Variants in MUC17 observed in about 807,000 individuals in gnomAD.
MUC17 encodes mucin-17.
MUC17 carries 190 observed loss-of-function variants against 170.3 expected under a neutral mutation model. That is an observed-to-expected ratio of 1.12 (90% CI 0.99 to 1.26). MUC17 has a LOEUF of 1.26. MUC17 is among the 50% of genes most tolerant of loss of function. The pLI is 0.00. For missense variants in MUC17, 6,415 were observed against 5,530.0 expected (o/e 1.16, Z -5.08); for synonymous variants, 2,325 against 2,002.5 (o/e 1.16, Z -4.30).
chr7:101,026,231 A>G (rs1794176498), intron 1 of MUC17, among the ~76,000 whole-genome samples: 1 of 152,170 alleles, frequency 6.6e-6, no homozygotes, highest in South Asian at 2.1e-4. Context: ...GGCCTCCTAT[A>G]TCTGCCTGGA....
rs12673753 is a variant in MUC17 at position 101,041,369 on chromosome 7, C to A, written c.9953C>A (p.Ala3318Asp). Reference sequence around the variant, plus strand: ...ACACCTGTGACCACTTATTCTCAAGCCAGTTCATCTCCTCCAATTGCTGAC... The same window carrying A: ...ACACCTGTGACCACTTATTCTCAAGACAGTTCATCTCCTCCAATTGCTGAC... ...TSTPVTTYSQ[A>D]SSSPPIADGT... Residue 3318 changes from alanine to aspartate, a missense_variant, in exon 3 of 13, where the codon GCC becomes GAC. Physicochemically the swap from Ala to Asp is moderately radical, Grantham distance 126 (BLOSUM62 -2). Coordinates refer to ENST00000306151, the MANE Select transcript of MUC17 (RefSeq NM_001040105.2). 14 of 1,613,858 alleles carry A rather than the reference C, an allele frequency of 8.7e-6. No individual in the cohort carries two copies. The highest frequency in any genetic ancestry group is 1.2e-5 in the Non-Finnish European group (14 of 1,180,004).
In MUC17 at chr7:101,032,480, C is replaced by T. The variant is rs150423564; in HGVS notation, c.1064C>T (p.Ser355Leu). The T allele has an allele frequency of 2.4e-4, 390 of 1,614,058 alleles. 5 individuals carry two copies. In the South Asian group the frequency reaches 3.4e-3, roughly 14 times the overall value. Residue 355 changes from serine to leucine, a missense_variant, in exon 3 of 13, where the codon TCA becomes TTA. Transcript: ENST00000306151. ...GCCACTTCTGAAATGAGCACACTTT[C>T]AATAACTCCTGTTGACACCAGCACA... ...PVATSEMSTLSITPVDTSTLV... is the reference protein window; with the variant it reads ...PVATSEMSTLLITPVDTSTLV...
chr7:101,048,753 C>T, intron 4 of MUC17, 92 bp from the exon 5 acceptor site: 6 of 1,439,874 alleles, frequency 4.2e-6, no homozygotes, highest in Non-Finnish European at 5.7e-6. Flanking sequence ...CCATAAAATA[C>T]AATGGAGCTC....
At chr7:101,024,618 A>G (rs1794148872) in intron 1 of MUC17, among the ~76,000 whole-genome samples, 1 of 151,976 alleles carries the variant, frequency 6.6e-6, no homozygotes, top group African/African-American at 2.4e-5. Flanking sequence ...GATCAGATGA[A>G]CGCTTTGGCT....
At position 101,043,546 on chromosome 7, in the gene MUC17, C is replaced by A. The variant is rs558140763; in HGVS notation, c.12130C>A (p.Pro4044Thr). 2.2e-5 allele frequency: 35 copies of A among 1,614,086 alleles called. No homozygotes were observed. In the South Asian group the frequency reaches 3.5e-4, roughly 16 times the overall value. The change falls in exon 3 of 13, where the codon CCT (proline) becomes ACT (threonine). Residue 4044 changes from proline to threonine, a missense_variant. Transcript: ENST00000306151. ...CACCTCTACTTCTGTCACCACCCGT[C>A]CTGTGACCCCTTCATCAGAATCCAG... is the stretch of plus-strand genomic sequence containing the variant. ...PHTSTSVTTR[P>T]VTPSSESSRP...
chr7:101,046,743 G>A (rs1048882071), intron 3 of MUC17, among the ~76,000 whole-genome samples: 4 of 151,896 alleles, frequency 2.6e-5, no homozygotes, highest in South Asian at 2.1e-4. Context: ...GCACCACTGC[G>A]CTCCAACCTG....
At chr7:101,051,491 G>A in intron 7 of MUC17, 122 bp from the exon 8 acceptor site, 1 of 866,078 alleles carries the variant, frequency 1.2e-6, no homozygotes, top group Admixed American at 2.6e-5. Flanking sequence ...CCCTCTGCCG[G>A]GGCCGGATTC....
At position 101,042,209 on chromosome 7, in the gene MUC17, C is replaced by T. The variant is rs1319958306; in HGVS notation, c.10793C>T (p.Thr3598Ile). 2 of 1,614,102 alleles carry T rather than the reference C, an allele frequency of 1.2e-6. No homozygotes were observed. The highest frequency in any genetic ancestry group is 2.7e-5 in the African/African-American group (2 of 74,934). ...AGTTCTGAGGCTAGCACACCTTCCA[C>T]TCCTTCTGTTGACAGAAGCACACCT... is the stretch of plus-strand genomic sequence containing the variant. ...VTSSEASTPSTPSVDRSTPVT... is the reference protein window; with the variant it reads ...VTSSEASTPSIPSVDRSTPVT... Residue 3598 changes from threonine (T) to isoleucine (I), a missense_variant, in exon 3 of 13, where the codon ACT becomes ATT. Coordinates refer to ENST00000306151, the MANE Select transcript of MUC17 (RefSeq NM_001040105.2).
At chr7:101,054,493 G>A (rs1795013938) in intron 11 of MUC17, among the ~76,000 whole-genome samples, 1 of 152,074 alleles carries the variant, frequency 6.6e-6, no homozygotes, top group Non-Finnish European at 1.5e-5. Flanking sequence ...ATTAGAATGA[G>A]GAAAAGTCCA....
Position 101,041,157 on chromosome 7 carries a change from T to C in MUC17, c.9741T>C (p.Val3247=). ...SEASILSTTP[V]DSNTPLTTST... The stretch of plus-strand genomic sequence containing the variant: ...CTAGCATCCTTTCAACAACTCCTGT[T>C]GACTCCAACACTCCTTTGACCACTT... Residue 3247 remains valine (V), a synonymous_variant, in exon 3 of 13, where the codon GTT becomes GTC. Transcript: ENST00000306151. 6.2e-7 allele frequency: 1 copy of C among 1,612,532 alleles called. No individual in the cohort carries two copies. Among genetic ancestry groups the C allele is most frequent in the East Asian group, 2.2e-5 (1 of 44,688 alleles).
chr7:101,036,015 C>G lies in MUC17; in HGVS notation c.4599C>G (p.Ser1533Arg), dbSNP rs73168392. The change falls in exon 3 of 13, where the codon AGC becomes AGG. Residue 1533 changes from serine to arginine, a missense_variant. Transcript: ENST00000306151. ...TTTVASSEIN[S>R]LSTTPAVTST... ...CAGTGGCCAGTTCTGAAATCAACAG[C>G]CTTTCAACAACTCCTGCTGTCACCA... 88 of 1,537,062 alleles carry G rather than the reference C, an allele frequency of 5.7e-5. No homozygotes were observed. Among genetic ancestry groups the G allele is most frequent in the South Asian group, 2.2e-4 (18 of 80,078 alleles).
chr7:101,051,389 A>AG (rs1308259474), intron 7 of MUC17, among the ~76,000 whole-genome samples: 2 of 145,722 alleles, frequency 1.4e-5, no homozygotes, highest in Non-Finnish European at 3.0e-5. Flanking sequence ...AAAAAAAAAA[A>AG]GAGTAAGAAA....
intron 1 of MUC17, among the ~76,000 whole-genome samples, chr7:101,024,572 G>A (rs1053963870): frequency 1.9e-4 from 29 of 152,092 alleles, no homozygotes; most frequent in African/African-American, 6.3e-4. Flanking sequence ...CCTGGTCTGC[G>A]GGGCCTCAAC....
Position 101,040,802 on chromosome 7 carries a change from CTG to C in MUC17, c.9388_9389del (p.Val3130Ter), listed in dbSNP as rs1193760498. Reference sequence around the variant, plus strand: ...GCAATCAGCACCCTTTCAACAACTCCTGTTGACACCAGCACACCTGTGACCAC... The same window carrying C: ...GCAATCAGCACCCTTTCAACAACTCCTTGACACCAGCACACCTGTGACCAC... On this transcript the variant is annotated frameshift_variant, in exon 3 of 13. Transcript: ENST00000306151. LOFTEE classifies it high-confidence loss of function. 3 of 1,613,618 alleles carry C rather than the reference CTG, an allele frequency of 1.9e-6. No homozygotes were observed. In the East Asian group the frequency reaches 6.7e-5, roughly 36 times the overall value.
At chr7:101,048,161 G>A (rs753474569) in intron 4 of MUC17, 46 bp downstream of exon 4, 21 of 1,500,152 alleles carry the variant, frequency 1.4e-5, no homozygotes, top group South Asian at 5.4e-5. Context: ...CCTGGGACCC[G>A]ACCTCCATAC....
chr7:101,042,724 G>A lies in MUC17; in HGVS notation c.11308G>A (p.Glu3770Lys). 1 of 1,613,798 alleles carries A rather than the reference G, an allele frequency of 6.2e-7. No homozygotes were observed. Among genetic ancestry groups the A allele is most frequent in the Non-Finnish European group, 8.5e-7 (1 of 1,180,020 alleles). The change falls in exon 3 of 13, where the codon GAG becomes AAG. Residue 3770 changes from glutamate (E) to lysine (K), a missense_variant. Physicochemically the swap from Glu to Lys is moderately conservative, Grantham distance 56. Transcript: ENST00000306151. ...VSTTPVTRFP[E>K]SSTPSIPSVY... is the part of the protein sequence containing the mutation. ...TACCACACCTGTTACGAGGTTTCCT[G>A]AGAGTAGCACCCCTTCCATACCATC...
At chr7:101,044,646 T>C (rs564769121) in intron 3 of MUC17, among the ~76,000 whole-genome samples, 1 of 152,334 alleles carries the variant, frequency 6.6e-6, no homozygotes, top group East Asian at 1.9e-4. Flanking sequence ...TTTCTCTCTT[T>C]TGTATTCTGC....
rs769015335 is a variant in MUC17 at position 101,041,247 on chromosome 7, T to G, written c.9831T>G (p.Ser3277Arg). 1 of 1,611,402 alleles carries G rather than the reference T, an allele frequency of 6.2e-7. No individual in the cohort carries two copies. The part of the protein sequence containing the change: ...EGTSMPTSTP[S>R]EGSTPLTSMP... ...CCAGCATGCCAACCTCAACTCCTAG[T>G]GAAGGAAGCACTCCATTAACAAGTA... Residue 3277 changes from serine to arginine, a missense_variant, in exon 3 of 13, where the codon AGT becomes AGG. Transcript: ENST00000306151.
In MUC17 at chr7:101,041,015, A is replaced by C; in HGVS notation, c.9599A>C (p.Glu3200Ala). Reference sequence around the variant, plus strand: ...AGCACACCTGTGACCACTTCTACTGAAGCCACTTCATCTACAACTGCTGAA... The same window carrying C: ...AGCACACCTGTGACCACTTCTACTGCAGCCACTTCATCTACAACTGCTGAA... ...DTSTPVTTST[E>A]ATSSTTAEGT... The change falls in exon 3 of 13, where the codon GAA becomes GCA. Residue 3200 changes from glutamate to alanine, a missense_variant. Transcript: ENST00000306151. 5 of 1,613,408 alleles carry C rather than the reference A, an allele frequency of 3.1e-6. No individual in the cohort carries two copies. The highest frequency in any genetic ancestry group is 4.2e-6 in the Non-Finnish European group (5 of 1,179,878).
Sources: gnomAD v4.1 joint callset for allele counts (sites outside exome capture counted in the v4.1 genomes callset) on GRCh38, gnomAD v4.1.1 for gene constraint, MANE v1.5 for transcripts, NCBI Gene and HGNC (gene_info 2026-07-23, HGNC 2026-07-21) for gene names.